The following DOCK10 variants were observed in gnomAD, a reference collection of about 807,000 sequenced individuals.
DOCK10 encodes the protein dedicator of cytokinesis 10, also known as dedicator of cytokinesis protein 10.
DOCK10 carries 145 observed loss-of-function variants against 280.1 expected under a neutral mutation model. The ratio of observed to expected loss-of-function variants is 0.52; its 90% CI spans 0.45 to 0.59. The LOEUF is 0.59. DOCK10 is among the 20% of genes least tolerant of loss of function. The pLI, the probability that DOCK10 is intolerant of heterozygous loss-of-function variation, is 0.00. For synonymous variants in DOCK10, 915 were observed against 942.2 expected, an observed-to-expected ratio of 0.97 and a Z score of 0.53; for missense variants, 2,368 against 2,651.7, an observed-to-expected ratio of 0.89 and a Z score of 2.35.
Position 224,881,199 on chromosome 2 carries a change from T to A in DOCK10, c.747+4472A>T, listed in dbSNP as rs1698955152. Among the ~76,000 whole-genome samples, 2 of 152,228 alleles carry A rather than the reference T, an allele frequency of 1.3e-5. 1 individual carries two copies. Among genetic ancestry groups the A allele is most frequent in the South Asian group, 4.1e-4 (2 of 4,828 alleles). The stretch of plus-strand genomic sequence containing the variant: ...TGTAATTTCATTCTTGCATATGTTA[T>A]CAGGACTTATTGCTTGAAGTGTGTT... On this transcript the variant is annotated intron_variant, in intron 7 of 55. Transcript: ENST00000258390.
rs188182904 is a variant in DOCK10, at chr2:224,969,888, T to C, written c.124-38220A>G. On this transcript the variant is annotated intron_variant, in intron 1 of 55. Transcript: ENST00000258390. ...CCCCTTTAACAACCACAGGCCACTT[T>C]AGTTTCATGCTTAATTTCTTTCCCT... 6.0e-3 allele frequency among the ~76,000 whole-genome samples: 916 copies of C among 152,300 alleles called. 6 individuals carry two copies. The highest frequency in any genetic ancestry group is 8.9e-3 in the Non-Finnish European group (608 of 68,020).
chr2:225,033,687 C>G (rs1255991069), intron 1 of DOCK10, among the ~76,000 whole-genome samples: 1 of 152,166 alleles, frequency 6.6e-6, no homozygotes, highest in Non-Finnish European at 1.5e-5. Flanking sequence ...CCTGCTAACA[C>G]TGCTGTGAAA....
chr2:224,834,304 A>G (rs142296562), intron 25 of DOCK10, 41 bp from the exon 26 acceptor site: 27 of 1,152,102 alleles, frequency 2.3e-5, no homozygotes, highest in Non-Finnish European at 3.4e-5. Context: ...AAATACTTTG[A>G]AAAATGAAGC....
At chr2:224,891,710 C>T (rs889938696) in intron 4 of DOCK10, among the ~76,000 whole-genome samples, 21 of 152,226 alleles carry the variant, frequency 1.4e-4, no homozygotes, top group Non-Finnish European at 2.8e-4. Context: ...ACTCAGTCAA[C>T]CCCAGTAGTC....
intron 14 of DOCK10, among the ~76,000 whole-genome samples, chr2:224,859,282 C>T (rs1279097308): frequency 6.6e-6 from 1 of 152,152 alleles, no homozygotes; most frequent in African/African-American, 2.4e-5. Flanking sequence ...GTGTTGAGTG[C>T]TGGTCCACTT....
In DOCK10 at chr2:225,042,299, C is replaced by T. The variant is rs1368842619; in HGVS notation, c.76G>A (p.Ala26Thr). Residue 26 changes from alanine to threonine, a missense_variant, in exon 1 of 56, where the codon GCC becomes ACC. Coordinates refer to ENST00000258390, the MANE Select transcript of DOCK10 (RefSeq NM_014689.3). This position sits in a 1 kb window ranked among gnomAD's most constrained non-coding sequence, Gnocchi z 5.1. ...PGQAAELRHS[A>T]ASAAAVAVSS... ...ACTGCCACCGCGGCGGCGGACGCGG[C>T]GCTGTGCCGGAGCTCGGCCGCCTGC... The T allele has an allele frequency of 5.9e-6, 8 of 1,350,790 alleles. No homozygotes were observed. The highest frequency in any genetic ancestry group is 1.5e-5 in the African/African-American group (1 of 66,164). 83.7% of individuals were successfully genotyped at this position (1,350,790 alleles called of 1,614,324 possible).
chr2:224,955,522 A>T (rs1458189721), intron 1 of DOCK10, among the ~76,000 whole-genome samples: 1 of 152,242 alleles, frequency 6.6e-6, no homozygotes, highest in African/African-American at 2.4e-5. Context: ...CCTGTAACCC[A>T]GTCGACTCCA....
intron 3 of DOCK10, among the ~76,000 whole-genome samples, chr2:224,896,913 G>A (rs1700018958): frequency 6.6e-6 from 1 of 151,960 alleles, no homozygotes; most frequent in African/African-American, 2.4e-5. Flanking sequence ...TTAAATAGGG[G>A]GAACTATTTA....
At chr2:225,037,033 C>T (rs752560386) in intron 1 of DOCK10, among the ~76,000 whole-genome samples, 20 of 152,056 alleles carry the variant, frequency 1.3e-4, no homozygotes, top group Admixed American at 3.3e-4. Flanking sequence ...AAAAGAATCC[C>T]AACACAACTC....
intron 18 of DOCK10, among the ~76,000 whole-genome samples, chr2:224,850,550 T>G (rs1696662945): frequency 6.6e-6 from 1 of 152,196 alleles, no homozygotes; most frequent in African/African-American, 2.4e-5. Flanking sequence ...TTGATTTACA[T>G]GGAATAAGGG....
At chr2:224,820,778 AT>A (rs771311165) in intron 28 of DOCK10, among the ~76,000 whole-genome samples, 6 of 152,232 alleles carry the variant, frequency 3.9e-5, no homozygotes, top group Non-Finnish European at 8.8e-5. Context: ...CTTATCTGAT[AT>A]TTAGAGAGAA....
Position 224,787,149 on chromosome 2 carries a change from T to G in DOCK10, c.5542-14A>C. On this transcript the variant is annotated splice_polypyrimidine_tract_variant and intron_variant, in intron 49 of 55. Coordinates refer to ENST00000258390, the MANE Select transcript of DOCK10 (RefSeq NM_014689.3). ...ATCTGACAATTTCTGAAACCATAAG[T>G]GAAAGAGTTTCATGAAGATGATGCT... 6.2e-7 allele frequency: 1 copy of G among 1,609,976 alleles called. No homozygotes were observed. The highest frequency in any genetic ancestry group is 2.2e-5 in the East Asian group (1 of 44,860).
chr2:224,912,703 GT>G (rs1170160471), intron 3 of DOCK10, among the ~76,000 whole-genome samples: 1 of 152,082 alleles, frequency 6.6e-6, no homozygotes, highest in Non-Finnish European at 1.5e-5. Flanking sequence ...CTACAATTCT[GT>G]GACTTGCTTT....
At chr2:224,799,019 A>G (rs946070476) in intron 41 of DOCK10, among the ~76,000 whole-genome samples, 1 of 152,236 alleles carries the variant, frequency 6.6e-6, no homozygotes, top group Non-Finnish European at 1.5e-5. Flanking sequence ...TTGAAGTATA[A>G]TTGACATACA....
chr2:225,005,856 A>C (rs1689231333), intron 1 of DOCK10, among the ~76,000 whole-genome samples: 1 of 152,238 alleles, frequency 6.6e-6, no homozygotes, highest in Non-Finnish European at 1.5e-5. Context: ...AATATGATCC[A>C]ATGTTATTTA....
chr2:224,780,880 A>T (rs959519451), intron 50 of DOCK10, among the ~76,000 whole-genome samples: 1 of 149,330 alleles, frequency 6.7e-6, no homozygotes, highest in African/African-American at 2.5e-5. Flanking sequence ...AGCCTGGGTG[A>T]CACAGTGAGA....
rs774891050 is a variant in DOCK10, at chr2:224,770,540, C to G, written c.6305+5G>C. The G allele has an allele frequency of 7.4e-6, 12 of 1,612,162 alleles. No homozygotes were observed. In the South Asian group the frequency reaches 1.3e-4, roughly 18 times the overall value. The stretch of plus-strand genomic sequence containing the variant: ...GGAAGAACATCCCAACAGCGAGAAG[C>G]TTACCTGAAGATCTCCTTCAAAAGC... On this transcript the variant is annotated splice_donor_5th_base_variant and intron_variant, in intron 54 of 55. Coordinates refer to ENST00000258390, the MANE Select transcript of DOCK10 (RefSeq NM_014689.3). This position sits in a 1 kb window ranked among gnomAD's most constrained non-coding sequence, Gnocchi z 4.5.
chr2:224,925,232 A>G (rs1701986825), intron 2 of DOCK10, among the ~76,000 whole-genome samples: 1 of 152,160 alleles, frequency 6.6e-6, no homozygotes, highest in African/African-American at 2.4e-5. Context: ...GCAGTTTAAA[A>G]CATATTCAAA....
Position 224,770,635 on chromosome 2 carries a change from C to T in DOCK10, c.6215G>A (p.Gly2072Glu). 1.2e-6 allele frequency: 2 copies of T among 1,613,062 alleles called. No homozygotes were observed. Among genetic ancestry groups the T allele is most frequent in the Non-Finnish European group, 1.7e-6 (2 of 1,179,082 alleles). Residue 2072 changes from glycine (G) to glutamate (E), a missense_variant, in exon 54 of 56, where the codon GGG (glycine) becomes GAG (glutamate). By Grantham distance (98) the Gly-to-Glu change is moderately conservative (BLOSUM62 -2). Around this residue, in one of 2 missense-constraint regions of DOCK10, gnomAD observed 1,159 missense variants for 1,400.8 expected, o/e 0.83. Coordinates refer to ENST00000258390, the MANE Select transcript of DOCK10 (RefSeq NM_014689.3). This position sits in a 1 kb window ranked among gnomAD's most constrained non-coding sequence, Gnocchi z 4.5. Reference sequence around the variant, plus strand: ...AAAAGCTCGTGCATAGGCCATTGGCCCAGCATTAACCTGTTGAGAAGAAAA... The same window carrying T: ...AAAAGCTCGTGCATAGGCCATTGGCTCAGCATTAACCTGTTGAGAAGAAAA... Reference protein sequence around the residue: ...QGSVSVKVNAGPMAYARAFLE... With the variant: ...QGSVSVKVNAEPMAYARAFLE...
Sources: allele counts gnomAD v4.1 joint callset (sites outside exome capture counted in the v4.1 genomes callset), GRCh38; gene constraint gnomAD v4.1.1; regional missense constraint gnomAD v4.1.1; non-coding constraint Gnocchi (gnomAD v3.1); transcripts MANE v1.5; gene names NCBI Gene and HGNC (gene_info 2026-07-23, HGNC 2026-07-21).